Variants in GSG1L observed in about 807,000 individuals in gnomAD.
The protein encoded by GSG1L is germ cell-specific gene 1-like protein.
GSG1L carries 24 observed loss-of-function variants against 42.1 expected under a neutral mutation model. The observed-to-expected ratio is 0.57, with a 90% CI of 0.41 to 0.80. GSG1L has a LOEUF of 0.80. GSG1L is among the 30% of genes least tolerant of loss of function. GSG1L has a pLI of 0.00. For synonymous variants in GSG1L, 215 were observed against 203.5 expected (o/e 1.06, Z -0.48); for missense variants, 445 against 472.2 (o/e 0.94, Z 0.53).
chr16:28,008,027 A>G (rs2085665831), intron 1 of GSG1L, among the ~76,000 whole-genome samples: 1 of 152,154 alleles, frequency 6.6e-6, no homozygotes, highest in East Asian at 1.9e-4. Context: ...TGTCCAGCCC[A>G]TCGCCACTGG....
At position 27,816,292 on chromosome 16, in the gene GSG1L, G is replaced by A. The variant is rs74013536; in HGVS notation, c.831-8738C>T. Among the ~76,000 whole-genome samples, 574 of 152,308 alleles carry A rather than the reference G, an allele frequency of 3.8e-3. 4 individuals are homozygous for A. The highest frequency in any genetic ancestry group is 0.012 in the African/African-American group (517 of 41,560). ...ATATTTTGCAAGAAGCAGAGGAAGG[G>A]CTTCAAAGGTATCGAAAACCTCTGG... On this transcript the variant is annotated intron_variant, in intron 5 of 6. Transcript: ENST00000447459.
rs541621838 is a variant in GSG1L at position 28,054,091 on chromosome 16, T to G, written c.349+8985A>C. Among the ~76,000 whole-genome samples the G allele has an allele frequency of 3.3e-5, 5 of 152,194 alleles. No individual in the cohort carries two copies. The East Asian group carries it at 9.7e-4, about 29-fold the overall frequency. Reference sequence around the variant, plus strand: ...CTGTCACTCCCCACTCCTCACAATGTCTGTGTCTCCTGCCCTCCTCCTCCC... The same window carrying G: ...CTGTCACTCCCCACTCCTCACAATGGCTGTGTCTCCTGCCCTCCTCCTCCC... On this transcript the variant is annotated intron_variant, in intron 1 of 6. Transcript: ENST00000447459.
intron 6 of GSG1L, among the ~76,000 whole-genome samples, chr16:27,796,548 C>A (rs867837533): frequency 6.6e-6 from 1 of 152,192 alleles, no homozygotes; most frequent in African/African-American, 2.4e-5. Flanking sequence ...CAGCATGGTC[C>A]CAGGCACAGC....
At chr16:27,874,682 G>A (rs2083865584) in intron 3 of GSG1L, among the ~76,000 whole-genome samples, 1 of 152,088 alleles carries the variant, frequency 6.6e-6, no homozygotes, top group Admixed American at 6.5e-5. Flanking sequence ...ATTCCACAAA[G>A]AGACAGCATG....
At chr16:27,840,493 A>T (rs1483921913) in intron 4 of GSG1L, among the ~76,000 whole-genome samples, 1 of 152,020 alleles carries the variant, frequency 6.6e-6, no homozygotes, top group East Asian at 1.9e-4. Flanking sequence ...AGGTAGGGAG[A>T]GCTGAGACAT....
At chr16:28,016,377 G>A (rs185824691) in intron 1 of GSG1L, among the ~76,000 whole-genome samples, 2 of 152,340 alleles carry the variant, frequency 1.3e-5, no homozygotes, top group Non-Finnish European at 1.5e-5. Context: ...GGAAGCAGAT[G>A]CTGAGGGTTG....
intron 2 of GSG1L, among the ~76,000 whole-genome samples, chr16:27,956,082 T>G (rs933222881): frequency 6.6e-6 from 1 of 152,182 alleles, no homozygotes; most frequent in African/African-American, 2.4e-5. Flanking sequence ...GATGAACAGT[T>G]TTCTTTTGAA....
intron 2 of GSG1L, among the ~76,000 whole-genome samples, chr16:27,924,839 C>G (rs558454605): frequency 6.6e-6 from 1 of 152,126 alleles, no homozygotes; most frequent in Non-Finnish European, 1.5e-5. Flanking sequence ...TAATTTTGAC[C>G]CTTACAGTCA....
At chr16:27,950,622 A>G (rs2084940097) in intron 2 of GSG1L, among the ~76,000 whole-genome samples, 1 of 152,062 alleles carries the variant, frequency 6.6e-6, no homozygotes, top group Non-Finnish European at 1.5e-5. Context: ...GGTAGGCTTG[A>G]AAACCTCGGA....
At chr16:27,861,394 A>T (rs2141000358) in intron 3 of GSG1L, among the ~76,000 whole-genome samples, 1 of 151,726 alleles carries the variant, frequency 6.6e-6, no homozygotes, top group South Asian at 2.1e-4. Context: ...TAAAAATTAA[A>T]AAAAAGAGAA....
intron 3 of GSG1L, chr16:27,850,695 A>T (rs775741116): frequency 1.2e-5 from 5 of 407,132 alleles, no homozygotes; most frequent in African/African-American, 4.1e-5. Flanking sequence ...TGCCTGGGGA[A>T]GTGGGAAAAT....
intron 2 of GSG1L, among the ~76,000 whole-genome samples, chr16:27,890,104 G>C (rs923095120): frequency 2.6e-5 from 4 of 152,188 alleles, no homozygotes; most frequent in African/African-American, 9.7e-5. Flanking sequence ...CCCTCTGTTA[G>C]CAGGTTGTTG....
intron 6 of GSG1L, among the ~76,000 whole-genome samples, chr16:27,799,874 T>A (rs2082862799): frequency 6.6e-6 from 1 of 152,216 alleles, no homozygotes; most frequent in South Asian, 2.1e-4. Context: ...GACTGGCTTC[T>A]GGCAGTAGCT....
chr16:27,850,798 A>G (rs900192633), intron 3 of GSG1L, among the ~76,000 whole-genome samples: 1 of 112,952 alleles, frequency 8.9e-6, no homozygotes, highest in African/African-American at 4.3e-5. Flanking sequence ...TCTATCATCT[A>G]CCTTTTTTTT....
intron 5 of GSG1L, among the ~76,000 whole-genome samples, chr16:27,816,822 C>G (rs1008223060): frequency 2.0e-5 from 3 of 152,258 alleles, no homozygotes; most frequent in East Asian, 1.9e-4. Flanking sequence ...TCCACGGTAC[C>G]CTGCCGACTC....
chr16:27,934,020 T>A (rs1236134549), intron 2 of GSG1L, among the ~76,000 whole-genome samples: 2 of 152,032 alleles, frequency 1.3e-5, no homozygotes, highest in Admixed American at 1.3e-4. Flanking sequence ...TCCATTTGAG[T>A]CTTAAAGAGG....
chr16:28,030,674 T>C (rs2085947056), intron 1 of GSG1L, among the ~76,000 whole-genome samples: 1 of 151,776 alleles, frequency 6.6e-6, no homozygotes, highest in Non-Finnish European at 1.5e-5. Context: ...AATTTCCCAA[T>C]TCATTTTTGA....
At chr16:27,998,345 G>A (rs889289472) in intron 1 of GSG1L, 1 of 152,196 alleles carries the variant, frequency 6.6e-6, no homozygotes, top group Non-Finnish European at 1.5e-5. Context: ...CACAGAGGCC[G>A]TGCTAATCTT....
intron 3 of GSG1L, among the ~76,000 whole-genome samples, chr16:27,866,034 G>C (rs2083719579): frequency 6.6e-6 from 1 of 151,866 alleles, no homozygotes; most frequent in South Asian, 2.1e-4. Flanking sequence ...CTCTCTCTCT[G>C]TGTCTCTCTC....
Sources: allele counts gnomAD v4.1 joint callset (sites outside exome capture counted in the v4.1 genomes callset), GRCh38; gene constraint gnomAD v4.1.1; transcripts MANE v1.5; gene names NCBI Gene and HGNC (gene_info 2026-07-23, HGNC 2026-07-21).